CTNNA3: variants seen among roughly 807,000 people sequenced by gnomAD.
The protein encoded by CTNNA3 is catenin alpha 3, also known as catenin alpha-3.
A neutral mutation model predicts 95.7 loss-of-function variants in CTNNA3; 76 were observed. That is an observed-to-expected ratio of 0.79 (90% CI 0.66 to 0.96). The LOEUF is 0.96. Ranked by LOEUF, CTNNA3 falls within the 40% of genes least tolerant of loss-of-function variation. The probability of loss-of-function intolerance (pLI) is 0.00; values close to 1 mark genes in which losing one functional copy is unlikely to be tolerated. For synonymous variants in CTNNA3, 431 were observed against 374.4 expected, an observed-to-expected ratio of 1.15 and a Z score of -1.74; for missense variants, 1,191 against 1,089.8, an observed-to-expected ratio of 1.09 and a Z score of -1.31.
intron 15 of CTNNA3, among the ~76,000 whole-genome samples, chr10:66,032,265 T>A (rs553481043): frequency 1.2e-4 from 18 of 152,180 alleles, no homozygotes; most frequent in Non-Finnish European, 2.5e-4. Flanking sequence ...ATTACTAACC[T>A]AACTAACAAA....
At chr10:66,811,760 A>G (rs1841888241) in intron 7 of CTNNA3, among the ~76,000 whole-genome samples, 1 of 152,166 alleles carries the variant, frequency 6.6e-6, no homozygotes, top group Non-Finnish European at 1.5e-5. Flanking sequence ...TCTCTCAATA[A>G]CCAAGCAAGA....
At chr10:66,652,947 T>C (rs780737176) in intron 9 of CTNNA3, among the ~76,000 whole-genome samples, 6 of 152,094 alleles carry the variant, frequency 3.9e-5, no homozygotes, top group Non-Finnish European at 7.4e-5. Flanking sequence ...CCTTTTGCAA[T>C]AAAAATTATC....
chr10:66,802,475 A>G (rs975671454), intron 7 of CTNNA3, among the ~76,000 whole-genome samples: 2 of 151,838 alleles, frequency 1.3e-5, no homozygotes, highest in African/African-American at 4.8e-5. Context: ...CTAAAATTAA[A>G]AAGACTGACC....
At chr10:66,556,836 A>G (rs1227862919) in intron 10 of CTNNA3, among the ~76,000 whole-genome samples, 1 of 152,062 alleles carries the variant, frequency 6.6e-6, no homozygotes, top group South Asian at 2.1e-4. Context: ...ATACTCTTTT[A>G]TACCAAAAAT....
chr10:67,755,117 CAA>C (rs1841425972), intron 1 of CTNNA3, among the ~76,000 whole-genome samples: 1 of 151,498 alleles, frequency 6.6e-6, no homozygotes, highest in African/African-American at 2.4e-5. Flanking sequence ...CACTTGAGCC[CAA>C]GAGTTCAAGG....
intron 7 of CTNNA3, among the ~76,000 whole-genome samples, chr10:66,961,541 T>C (rs1212263604): frequency 6.6e-6 from 1 of 152,116 alleles, no homozygotes; most frequent in African/African-American, 2.4e-5. Flanking sequence ...CTCTTAATGT[T>C]GGGGTGTCCC....
intron 7 of CTNNA3, among the ~76,000 whole-genome samples, chr10:67,029,641 C>T (rs558406749): frequency 5.9e-5 from 9 of 152,212 alleles, no homozygotes; most frequent in African/African-American, 2.2e-4. Context: ...TTTCTCATTG[C>T]CTTTAAAAAT....
intron 3 of CTNNA3, among the ~76,000 whole-genome samples, chr10:67,570,051 T>C (rs1418183343): frequency 4.6e-5 from 7 of 152,100 alleles, no homozygotes; most frequent in Non-Finnish European, 4.4e-5. Context: ...TACTCTTTTC[T>C]TAAACTCCTA....
chr10:67,418,114 C>T (rs1313910733), intron 5 of CTNNA3, among the ~76,000 whole-genome samples: 1 of 152,126 alleles, frequency 6.6e-6, no homozygotes, highest in African/African-American at 2.4e-5. Context: ...ATAGTGCAAC[C>T]TTTGTTCATC....
rs995703740 is a variant in CTNNA3 at position 66,161,556 on chromosome 10, C to A, written c.1885-58307G>T. Among the ~76,000 whole-genome samples, 9 of 152,270 alleles carry A rather than the reference C, an allele frequency of 5.9e-5. No homozygotes were observed. In the East Asian group the frequency reaches 9.6e-4, roughly 16 times the overall value. On this transcript the variant is annotated intron_variant, in intron 13 of 17. Transcript: ENST00000433211. ...TCCTTTCTAGCTTGTAGGGTTTCTG[C>A]TGAAAAATCTGCTGCTAATCTGATA...
chr10:65,975,760 G>A (rs2078197507), intron 16 of CTNNA3, among the ~76,000 whole-genome samples: 2 of 152,068 alleles, frequency 1.3e-5, no homozygotes, highest in South Asian at 4.1e-4. Flanking sequence ...AAGTTTCAGA[G>A]AGAGTAAATG....
intron 7 of CTNNA3, among the ~76,000 whole-genome samples, chr10:67,136,450 A>T (rs1423067367): frequency 6.6e-6 from 1 of 152,118 alleles, no homozygotes; most frequent in Non-Finnish European, 1.5e-5. Flanking sequence ...CTCCTTAGAA[A>T]GTAAATTTCC....
intron 9 of CTNNA3, among the ~76,000 whole-genome samples, chr10:66,751,517 T>C (rs1162802218): frequency 6.6e-6 from 1 of 152,206 alleles, no homozygotes; most frequent in Non-Finnish European, 1.5e-5. Flanking sequence ...TTGTACTACC[T>C]CATTGGATTG....
chr10:66,789,010 G>C (rs774679621), intron 7 of CTNNA3, among the ~76,000 whole-genome samples: 9 of 152,124 alleles, frequency 5.9e-5, no homozygotes, highest in Non-Finnish European at 1.2e-4. Flanking sequence ...AGGAAGAATC[G>C]TGTCTAATAA....
rs1237492251 is a variant in CTNNA3, at chr10:67,529,525, G to A, written c.460-7564C>T. Among the ~76,000 whole-genome samples the A allele has an allele frequency of 6.7e-5, 10 of 150,242 alleles. No homozygotes were observed. In the East Asian group the frequency reaches 2.0e-3, roughly 30 times the overall value. Reference sequence around the variant, plus strand: ...GGGGAGGGGGGAGGGATAGCTTTAGGAGATATACCTAATGCTAAATGATGA... The same window carrying A: ...GGGGAGGGGGGAGGGATAGCTTTAGAAGATATACCTAATGCTAAATGATGA... On this transcript the variant is annotated intron_variant, in intron 4 of 17. Transcript: ENST00000433211.
At chr10:66,876,498 T>C (rs1007444498) in intron 7 of CTNNA3, among the ~76,000 whole-genome samples, 8 of 152,172 alleles carry the variant, frequency 5.3e-5, no homozygotes, top group African/African-American at 1.9e-4. Flanking sequence ...CCTAATTCTT[T>C]CAATAATTCA....
intron 5 of CTNNA3, among the ~76,000 whole-genome samples, chr10:67,231,857 G>A (rs1865228330): frequency 6.6e-6 from 1 of 152,214 alleles, no homozygotes; most frequent in South Asian, 2.1e-4. Flanking sequence ...AGAACTACGT[G>A]AAGAATGCAG....
At chr10:67,622,090 G>A (rs1363173067) in intron 2 of CTNNA3, among the ~76,000 whole-genome samples, 1 of 152,196 alleles carries the variant, frequency 6.6e-6, no homozygotes, top group East Asian at 1.9e-4. Flanking sequence ...CAAGTTAGAT[G>A]TCCTGAAATA....
intron 1 of CTNNA3, among the ~76,000 whole-genome samples, chr10:67,688,628 C>T (rs897474604): frequency 6.6e-6 from 1 of 152,094 alleles, no homozygotes; most frequent in African/African-American, 2.4e-5. Flanking sequence ...AGTTAGCTGC[C>T]TCTTTTTCAG....
Sources: allele counts gnomAD v4.1 joint callset (sites outside exome capture counted in the v4.1 genomes callset), GRCh38; gene constraint gnomAD v4.1.1; transcripts MANE v1.5; gene names NCBI Gene and HGNC (gene_info 2026-07-23, HGNC 2026-07-21).